PTK2: variants seen among roughly 807,000 people sequenced by gnomAD.
PTK2 encodes protein tyrosine kinase 2.
Under a neutral mutation model 150.1 loss-of-function variants are expected in PTK2, and 45 were observed. The ratio of observed to expected loss-of-function variants is 0.30; its 90% CI spans 0.24 to 0.38. PTK2 has a LOEUF of 0.38. PTK2 is among the 10% of genes least tolerant of loss of function. The pLI, the probability that PTK2 is intolerant of heterozygous loss-of-function variation, is 1.00. For synonymous variants in PTK2, 432 were observed against 449.2 expected, an observed-to-expected ratio of 0.96 and a Z score of 0.48; for missense variants, 919 against 1,307.3, an observed-to-expected ratio of 0.70 and a Z score of 4.58.
chr8:140,919,646 G>A (rs1252865954), intron 2 of PTK2, among the ~76,000 whole-genome samples: 2 of 152,016 alleles, frequency 1.3e-5, no homozygotes, highest in Non-Finnish European at 2.9e-5. Flanking sequence ...GAATTCTTTG[G>A]CTCTGAACAC....
At chr8:140,858,878 A>C (rs2100134422) in intron 5 of PTK2, among the ~76,000 whole-genome samples, 1 of 152,210 alleles carries the variant, frequency 6.6e-6, no homozygotes, top group South Asian at 2.1e-4. Flanking sequence ...TTAGTATCAA[A>C]TGAGCCACAG....
intron 10 of PTK2, among the ~76,000 whole-genome samples, chr8:140,815,027 G>A (rs1446451732): frequency 6.6e-6 from 1 of 152,036 alleles, no homozygotes; most frequent in Non-Finnish European, 1.5e-5. Context: ...GCCCACCTTG[G>A]CCTCCCAAAG....
At chr8:140,819,973 G>C (rs2100107157) in intron 8 of PTK2, among the ~76,000 whole-genome samples, 1 of 151,478 alleles carries the variant, frequency 6.6e-6, no homozygotes, top group African/African-American at 2.4e-5. Flanking sequence ...TAATGAAGAG[G>C]GGCAAGAGAA....
intron 11 of PTK2, among the ~76,000 whole-genome samples, chr8:140,802,761 GC>G (rs1305268883): frequency 7.9e-5 from 12 of 152,060 alleles, no homozygotes; most frequent in Admixed American, 5.9e-4. Flanking sequence ...TGTTACAATT[GC>G]CTAAAGTATT....
intron 14 of PTK2, among the ~76,000 whole-genome samples, chr8:140,774,360 G>C (rs1393682699): frequency 6.6e-6 from 1 of 152,194 alleles, no homozygotes; most frequent in African/African-American, 2.4e-5. Flanking sequence ...TACACATTTA[G>C]ATAAGAAAAG....
intron 12 of PTK2, among the ~76,000 whole-genome samples, chr8:140,797,604 T>TA (rs887495043): frequency 6.6e-6 from 1 of 152,198 alleles, no homozygotes; most frequent in African/African-American, 2.4e-5. Flanking sequence ...TACAACTCTA[T>TA]ATTACACTAT....
At chr8:140,714,822 A>AG (rs2100038734) in intron 23 of PTK2, among the ~76,000 whole-genome samples, 1 of 148,590 alleles carries the variant, frequency 6.7e-6, no homozygotes, top group Admixed American at 6.7e-5. Flanking sequence ...AAAAAAAAAA[A>AG]TCTAAGTAAG....
At chr8:140,693,115 G>A (rs928942159) in intron 26 of PTK2, among the ~76,000 whole-genome samples, 1 of 152,056 alleles carries the variant, frequency 6.6e-6, no homozygotes, top group Non-Finnish European at 1.5e-5. Flanking sequence ...AATGCCCAAT[G>A]GGAAAGAAAG....
chr8:140,847,626 A>C (rs2100126381), intron 5 of PTK2, among the ~76,000 whole-genome samples: 1 of 152,180 alleles, frequency 6.6e-6, no homozygotes, highest in Non-Finnish European at 1.5e-5. Flanking sequence ...AACCATGCTC[A>C]ATTATTATAT....
chr8:140,761,846 C>A (rs955844434), intron 15 of PTK2, among the ~76,000 whole-genome samples: 19 of 151,978 alleles, frequency 1.3e-4, no homozygotes, highest in African/African-American at 4.3e-4. Context: ...TTAGATGACT[C>A]AGAATCAAGG....
At chr8:140,931,070 CAAAA>C (rs34438579) in intron 1 of PTK2, among the ~76,000 whole-genome samples, 2 of 111,722 alleles carry the variant, frequency 1.8e-5, no homozygotes, top group Non-Finnish European at 1.8e-5. Context: ...GACTCTGTCT[CAAAA>C]AAAAAAAAAA....
At chr8:140,663,845 C>G (rs905599773) in intron 31 of PTK2, among the ~76,000 whole-genome samples, 3 of 152,184 alleles carry the variant, frequency 2.0e-5, no homozygotes, top group African/African-American at 7.2e-5. Context: ...TTTGTAGAGA[C>G]AGAGTCTCGC....
chr8:140,741,966 A>C (rs770607813), intron 20 of PTK2, among the ~76,000 whole-genome samples: 20 of 151,592 alleles, frequency 1.3e-4, no homozygotes, highest in Non-Finnish European at 2.8e-4. Context: ...CAACACGGCA[A>C]AACTCCATCT....
chr8:140,775,066 A>T lies in PTK2; in HGVS notation c.1178-10776T>A, dbSNP rs1321575518. ...TCTTTTATTCCTTTGCTTTCATTTT[A>T]CCCTATGGATTTGCCTCAACTTCTT... On this transcript the variant is annotated intron_variant, in intron 14 of 31. Transcript: ENST00000522684. 2.0e-5 allele frequency among the ~76,000 whole-genome samples: 3 copies of T among 152,062 alleles called. No homozygotes were observed. The East Asian group carries it at 5.8e-4, about 29-fold the overall frequency.
intron 1 of PTK2, among the ~76,000 whole-genome samples, chr8:140,985,833 ATACTT>A (rs1289791425): frequency 2.0e-5 from 3 of 152,222 alleles, no homozygotes; most frequent in Non-Finnish European, 2.9e-5. Flanking sequence ...TAAAATATCA[ATACTT>A]AATAGTTATC....
chr8:141,002,011 G>T (rs982511248), upstream of PTK2: 3 of 152,270 alleles, frequency 2.0e-5, no homozygotes, highest in African/African-American at 7.2e-5. Flanking sequence ...GAGGGCTACA[G>T]ACCTGAGACG....
rs563709284 is a variant in PTK2 at position 140,792,924 on chromosome 8, T to C, written c.1124+430A>G. Among the ~76,000 whole-genome samples the C allele has an allele frequency of 2.0e-5, 3 of 152,358 alleles. No homozygotes were observed. The East Asian group carries it at 5.8e-4, about 29-fold the overall frequency. On this transcript the variant is annotated intron_variant, in intron 13 of 31. Transcript: ENST00000522684. ...TAAAATTATATAAGTTCTTTTGGTA[T>C]TACTATTCGATTCTTTTAGTTTTGT... is the stretch of plus-strand genomic sequence containing the variant.
At chr8:140,862,544 T>C (rs969763270) in intron 5 of PTK2, among the ~76,000 whole-genome samples, 2 of 152,146 alleles carry the variant, frequency 1.3e-5, no homozygotes, top group African/African-American at 2.4e-5. Context: ...CCCTCAAAAC[T>C]TGTCACCAAT....
At chr8:140,753,572 G>A (rs2100063983) in intron 16 of PTK2, among the ~76,000 whole-genome samples, 1 of 152,326 alleles carries the variant, frequency 6.6e-6, no homozygotes, top group East Asian at 1.9e-4. Flanking sequence ...AGAGGTCAGG[G>A]ACAAGAGTGG....
Sources: gnomAD v4.1 joint callset for allele counts (sites outside exome capture counted in the v4.1 genomes callset) on GRCh38, gnomAD v4.1.1 for gene constraint, MANE v1.5 for transcripts, NCBI Gene and HGNC (gene_info 2026-07-23, HGNC 2026-07-21) for gene names.